Variants in CHERP observed in about 807,000 individuals in gnomAD.
CHERP encodes calcium homeostasis endoplasmic reticulum protein.
CHERP carries 8 observed loss-of-function variants against 113.8 expected under a neutral mutation model. The observed-to-expected ratio is 0.07, with a 90% CI of 0.04 to 0.13. The LOEUF is 0.13. Among genes scored for constraint, CHERP ranks in the 10% least tolerant of loss-of-function variants. CHERP has a pLI of 1.00. For synonymous variants in CHERP, 559 were observed against 524.5 expected (o/e 1.07, Z -0.90); for missense variants, 884 against 1,298.2 (o/e 0.68, Z 4.90).
intron 12 of CHERP, 136 bp from the exon 13 acceptor site, chr19:16,521,048 A>G (rs1194148914): frequency 8.0e-6 from 6 of 749,354 alleles, no homozygotes; most frequent in African/African-American, 1.7e-5. Context: ...GCATGGGCGC[A>G]GTAGAGCTTG....
At chr19:16,541,742 G>C (rs2112864) in intron 2 of CHERP, 128 bp downstream of exon 2, 98,533 of 963,484 alleles carry the variant, frequency 0.1, 5,702 homozygotes, top group Non-Finnish European at 0.11. Flanking sequence ...AACAGGGATC[G>C]TGTGGACCGA....
At chr19:16,526,958 C>T (rs2085661360) in intron 9 of CHERP, among the ~76,000 whole-genome samples, 1 of 151,952 alleles carries the variant, frequency 6.6e-6, no homozygotes, top group African/African-American at 2.4e-5. Flanking sequence ...GGAGTCTTGC[C>T]TTGTTGCCCA....
chr19:16,519,773 C>T lies in CHERP; in HGVS notation c.2463-58G>A. On this transcript the variant is annotated intron_variant, in intron 15 of 16. Coordinates refer to ENST00000546361, the MANE Select transcript of CHERP (RefSeq NM_006387.6). The surrounding 1 kb of genome is among the most constrained non-coding windows in gnomAD (Gnocchi z 6.0). Reference sequence around the variant, plus strand: ...GTAACTGAGACATTTATTGGAATGACAGTGATGAGGACCTCACAGCCGCAG... The same window carrying T: ...GTAACTGAGACATTTATTGGAATGATAGTGATGAGGACCTCACAGCCGCAG... 7.0e-7 allele frequency: 1 copy of T among 1,436,330 alleles called. No individual in the cohort carries two copies. The highest frequency in any genetic ancestry group is 1.1e-5 in the South Asian group (1 of 87,076). The allele number at this position is 1,436,330 out of a possible 1,614,324, so 89.0% of individuals were successfully genotyped here. A position where few individuals can be genotyped will look rare whatever the true frequency, so the allele number is the denominator to read the frequency against.
At position 16,541,865 on chromosome 19, in the gene CHERP, C is replaced by T. The variant is rs2085782431; in HGVS notation, c.199+5G>A. ...GGGACGGCCTGAGTGCCGGAGGGGA[C>T]TCACGCTGCTGCTGCTCCAGCGCCA... On this transcript the variant is annotated splice_donor_5th_base_variant and intron_variant, in intron 2 of 16. Transcript: ENST00000546361. 6.2e-7 allele frequency: 1 copy of T among 1,610,952 alleles called. No homozygotes were observed.
Position 16,520,772 on chromosome 19 carries a change from A to G in CHERP, c.2201+54T>C. ...GTGTATCTGGGGTCTGCTCCCACCC[A>G]TCACAAGCTGTGGACCCTGGCCCCC... is the stretch of plus-strand genomic sequence containing the variant. On this transcript the variant is annotated intron_variant, in intron 13 of 16. Transcript: ENST00000546361. This position sits in a 1 kb window ranked among gnomAD's most constrained non-coding sequence, Gnocchi z 4.0. 1 of 1,543,040 alleles carries G rather than the reference A, an allele frequency of 6.5e-7. No individual in the cohort carries two copies. Among genetic ancestry groups the G allele is most frequent in the Non-Finnish European group, 8.9e-7 (1 of 1,118,356 alleles).
In CHERP at chr19:16,523,129, T is replaced by C; in HGVS notation, c.1903A>G (p.Asn635Asp). The C allele has an allele frequency of 6.5e-7, 1 of 1,548,646 alleles. No individual in the cohort carries two copies. Among genetic ancestry groups the C allele is most frequent in the Non-Finnish European group, 8.7e-7 (1 of 1,150,132 alleles). The change falls in exon 11 of 17, where the codon AAC becomes GAC. Residue 635 changes from asparagine (N) to aspartate (D), a missense_variant. This residue lies in a region of CHERP where 464 missense variants were observed against 590.1 expected (regional missense o/e 0.79). Transcript: ENST00000546361. The surrounding 1 kb of genome is among the most constrained non-coding windows in gnomAD (Gnocchi z 4.0). ...GGGACCAGGCTGGGGTCATCGTGGT[T>C]GATGTGGGGTGGGCCCTGTCGCCGC... ...HMRRQGPPHI[N>D]HDDPSLVPNV...
intron 9 of CHERP, among the ~76,000 whole-genome samples, chr19:16,526,663 C>T (rs2085659666): frequency 6.6e-6 from 1 of 152,136 alleles, no homozygotes. Flanking sequence ...GGCGAGGTTT[C>T]ACCACGTTGG....
At chr19:16,536,436 C>T (rs916788733) in intron 2 of CHERP, among the ~76,000 whole-genome samples, 1 of 152,134 alleles carries the variant, frequency 6.6e-6, no homozygotes. Flanking sequence ...GACCAGGTAC[C>T]CCTGGAGCCC....
intron 1 of CHERP, 140 bp downstream of exon 1, chr19:16,542,214 G>C (rs1259550965): frequency 9.3e-7 from 1 of 1,071,318 alleles, no homozygotes; most frequent in South Asian, 1.9e-5. Flanking sequence ...GGGAATGCGG[G>C]GACCCACGGG....
Position 16,535,384 on chromosome 19 carries a change from G to A in CHERP, c.384+68C>T. On this transcript the variant is annotated intron_variant, in intron 3 of 16. Transcript: ENST00000546361. The surrounding 1 kb of genome is among the most constrained non-coding windows in gnomAD (Gnocchi z 4.3). ...ACTGACACCTGTTATTCATTCTGAT[G>A]AGCAGACGCAAAAACAGAGGCACAG... is the stretch of plus-strand genomic sequence containing the variant. 2 of 1,516,178 alleles carry A rather than the reference G, an allele frequency of 1.3e-6. No homozygotes were observed. Among genetic ancestry groups the A allele is most frequent in the Non-Finnish European group, 1.8e-6 (2 of 1,119,052 alleles). 93.9% of individuals were successfully genotyped at this position (1,516,178 alleles called of 1,614,324 possible).
At position 16,523,338 on chromosome 19, in the gene CHERP, C is replaced by A; in HGVS notation, c.1742-48G>T. ...AGGACCACAGGCCAGTCAGGATCTC[C>A]CAGGCGACAAGTGCTGGAGGGGAGG... On this transcript the variant is annotated intron_variant, in intron 10 of 16. Coordinates refer to ENST00000546361, the MANE Select transcript of CHERP (RefSeq NM_006387.6). This position sits in a 1 kb window ranked among gnomAD's most constrained non-coding sequence, Gnocchi z 4.0. 6.3e-7 allele frequency: 1 copy of A among 1,596,452 alleles called. No homozygotes were observed. Among genetic ancestry groups the A allele is most frequent in the Non-Finnish European group, 8.5e-7 (1 of 1,173,784 alleles).
intron 2 of CHERP, chr19:16,541,633 T>C: frequency 2.2e-6 from 1 of 456,612 alleles, no homozygotes; most frequent in Non-Finnish European, 3.9e-6. Flanking sequence ...AACAGCAAAA[T>C]CCCTGATCCA....
chr19:16,535,514 G>A lies in CHERP; in HGVS notation c.322C>T (p.Leu108Phe), dbSNP rs751631259. Residue 108 changes from leucine (L) to phenylalanine (F), a missense_variant, in exon 3 of 17, where the codon CTC becomes TTC. Leu to Phe is a conservative substitution (Grantham distance 22, BLOSUM62 0). Around this residue, in one of 8 missense-constraint regions of CHERP, gnomAD observed 109 missense variants for 134.2 expected, o/e 0.81. Transcript: ENST00000546361. This position sits in a 1 kb window ranked among gnomAD's most constrained non-coding sequence, Gnocchi z 4.3. Reference sequence around the variant, plus strand: ...AGGTTCCACTGGCTCTGCTGGATGAGCTCGTCCATGGATGGCGCGCCCTGG... The same window carrying A: ...AGGTTCCACTGGCTCTGCTGGATGAACTCGTCCATGGATGGCGCGCCCTGG... The part of the protein sequence containing the change: ...PAQGAPSMDE[L>F]IQQSQWNLQQ... 1.2e-6 allele frequency: 2 copies of A among 1,607,544 alleles called. No homozygotes were observed. Among genetic ancestry groups the A allele is most frequent in the Admixed American group, 1.7e-5 (1 of 59,170 alleles).
chr19:16,540,030 C>G (rs1490392066), intron 2 of CHERP: 1 of 152,040 alleles, frequency 6.6e-6, no homozygotes, highest in African/African-American at 2.4e-5. Flanking sequence ...AAGAAACTGC[C>G]CCTTTGCAAT....
intron 9 of CHERP, among the ~76,000 whole-genome samples, 164 bp downstream of exon 9, chr19:16,527,916 C>T (rs954495703): frequency 2.0e-5 from 3 of 152,206 alleles, no homozygotes; most frequent in African/African-American, 7.2e-5. Flanking sequence ...TGTCCCGGAG[C>T]CACAGGAAGA....
Position 16,520,752 on chromosome 19 carries a change from T to C in CHERP, c.2201+74A>G, listed in dbSNP as rs2085605744. ...TGTGAGGGTGGACGTGATGAGTGTA[T>C]CTGGGGTCTGCTCCCACCCATCACA... On this transcript the variant is annotated intron_variant, in intron 13 of 16. Coordinates refer to ENST00000546361, the MANE Select transcript of CHERP (RefSeq NM_006387.6). This position sits in a 1 kb window ranked among gnomAD's most constrained non-coding sequence, Gnocchi z 4.0. 2 of 1,418,824 alleles carry C rather than the reference T, an allele frequency of 1.4e-6. No homozygotes were observed. Among genetic ancestry groups the C allele is most frequent in the Admixed American group, 3.3e-5 (2 of 59,750 alleles). The allele number at this position is 1,418,824 out of a possible 1,614,324, so 87.9% of individuals were successfully genotyped here. A position where few individuals can be genotyped will look rare whatever the true frequency, so the allele number is the denominator to read the frequency against.
At position 16,525,186 on chromosome 19, in the gene CHERP, G is replaced by A. The variant is rs1040470011; in HGVS notation, c.1741+56C>T. 2 of 1,369,958 alleles carry A rather than the reference G, an allele frequency of 1.5e-6. No homozygotes were observed. The highest frequency in any genetic ancestry group is 1.9e-6 in the Non-Finnish European group (2 of 1,052,842). The allele number at this position is 1,369,958 out of a possible 1,614,324, so 84.9% of individuals were successfully genotyped here. A position where few individuals can be genotyped will look rare whatever the true frequency, so the allele number is the denominator to read the frequency against. Reference sequence around the variant, plus strand: ...CACAAGCAGCGCCACCAGCCTGCTCGGCAGGCGAGCCGTGGATGCCTCCGC... The same window carrying A: ...CACAAGCAGCGCCACCAGCCTGCTCAGCAGGCGAGCCGTGGATGCCTCCGC... On this transcript the variant is annotated intron_variant, in intron 10 of 16. Coordinates refer to ENST00000546361, the MANE Select transcript of CHERP (RefSeq NM_006387.6). The surrounding 1 kb of genome is among the most constrained non-coding windows in gnomAD (Gnocchi z 6.5).
rs938220078 is a variant in CHERP, at chr19:16,525,550, G to A, written c.1433C>T (p.Ala478Val). The A allele has an allele frequency of 3.9e-6, 6 of 1,542,702 alleles. No individual in the cohort carries two copies. Among genetic ancestry groups the A allele is most frequent in the African/African-American group, 2.7e-5 (2 of 73,042 alleles). ...GGCGTCGGGCTGGTTGTTCCAGGGC[G>A]CGTCGCGCTGGCCGTTCCAGCCGGG... ...GDPGWNGQRD[A>V]PWNNQPDAAW... is the part of the protein sequence containing the mutation. Residue 478 changes from alanine (A) to valine (V), a missense_variant, in exon 10 of 17, where the codon GCG becomes GTG. Ala to Val is a moderately conservative substitution (Grantham distance 64). Coordinates refer to ENST00000546361, the MANE Select transcript of CHERP (RefSeq NM_006387.6). This position sits in a 1 kb window ranked among gnomAD's most constrained non-coding sequence, Gnocchi z 6.5.
At position 16,520,052 on chromosome 19, in the gene CHERP, C is replaced by T; in HGVS notation, c.2462+97G>A. The T allele has an allele frequency of 7.5e-7, 1 of 1,324,726 alleles. No homozygotes were observed. Among genetic ancestry groups the T allele is most frequent in the Non-Finnish European group, 1.1e-6 (1 of 937,166 alleles). The allele number at this position is 1,324,726 out of a possible 1,614,324, so 82.1% of individuals were successfully genotyped here. A position where few individuals can be genotyped will look rare whatever the true frequency, so the allele number is the denominator to read the frequency against. On this transcript the variant is annotated intron_variant, in intron 15 of 16. Coordinates refer to ENST00000546361, the MANE Select transcript of CHERP (RefSeq NM_006387.6). This position sits in a 1 kb window ranked among gnomAD's most constrained non-coding sequence, Gnocchi z 4.0. ...GTCCCCGGGCTAATGCTGGCGGCCTCCTAACACAGTCTCCTAACCACCAAT... is the reference window on the plus strand; with the variant it reads ...GTCCCCGGGCTAATGCTGGCGGCCTTCTAACACAGTCTCCTAACCACCAAT...
Sources: gnomAD v4.1 joint callset for allele counts (sites outside exome capture counted in the v4.1 genomes callset) on GRCh38, gnomAD v4.1.1 for gene constraint, gnomAD v4.1.1 regional missense constraint, Gnocchi (gnomAD v3.1) non-coding constraint, MANE v1.5 for transcripts, NCBI Gene and HGNC (gene_info 2026-07-23, HGNC 2026-07-21) for gene names.